FAM222A: variants seen among roughly 807,000 people sequenced by gnomAD.
FAM222A encodes protein FAM222A.
FAM222A carries 7 observed loss-of-function variants against 25.8 expected under a neutral mutation model. The observed-to-expected ratio is 0.27, with a 90% CI of 0.15 to 0.51. The LOEUF (loss-of-function observed/expected upper bound fraction) is 0.51. FAM222A is among the 20% of genes least tolerant of loss of function. FAM222A has a pLI of 0.97. For synonymous variants in FAM222A, 294 were observed against 298.8 expected (o/e 0.98, Z 0.17); for missense variants, 573 against 640.5 (o/e 0.89, Z 1.14).
intron 2 of FAM222A, among the ~76,000 whole-genome samples, chr12:109,766,749 T>C (rs568072920): frequency 6.6e-6 from 1 of 152,194 alleles, no homozygotes; most frequent in Admixed American, 6.5e-5. Flanking sequence ...CGGGTGGGAG[T>C]GTAGCCTGGC....
At chr12:109,723,898 G>A (rs1887795537) in intron 1 of FAM222A, among the ~76,000 whole-genome samples, 1 of 152,172 alleles carries the variant, frequency 6.6e-6, no homozygotes, top group Admixed American at 6.5e-5. Flanking sequence ...AGTTTTTACG[G>A]ATCATGGGCC....
Position 109,714,929 on chromosome 12 carries a change from AG to A in FAM222A, c.-47+33del, listed in dbSNP as rs1349997455. ...TGTGCGGGGCGGGGTTCTGCGCTGG[AG>A]CTGGGGGCACCCCCTGGCGTCCGGG... On this transcript the variant is annotated intron_variant, in intron 1 of 2. Transcript: ENST00000538780. The surrounding 1 kb of genome is among the most constrained non-coding windows in gnomAD (Gnocchi z 4.2). 6.5e-6 allele frequency: 1 copy of A among 152,768 alleles called. No homozygotes were observed. Among genetic ancestry groups the A allele is most frequent in the African/African-American group, 2.4e-5 (1 of 41,446 alleles). The allele number at this position is 152,768 out of a possible 1,614,324, so 9.5% of individuals were successfully genotyped here.
chr12:109,755,414 T>C (rs1213273028), intron 2 of FAM222A, among the ~76,000 whole-genome samples: 1 of 145,300 alleles, frequency 6.9e-6, no homozygotes, highest in African/African-American at 2.6e-5. Context: ...CCGCAACCTC[T>C]GCCTCCCGAG....
Position 109,744,105 on chromosome 12 carries a change from C to A in FAM222A, c.-42C>A, listed in dbSNP as rs759850905. On this transcript the variant is annotated 5_prime_UTR_variant, in exon 2 of 3. Transcript: ENST00000538780. ...CACCCCATCTTCCTCCTGCAGGGAC[C>A]CAGTCGCAGAGCGCACCCCACTGGG... 2 of 1,601,818 alleles carry A rather than the reference C, an allele frequency of 1.2e-6. No individual in the cohort carries two copies. Among genetic ancestry groups the A allele is most frequent in the African/African-American group, 2.7e-5 (2 of 74,672 alleles).
intron 2 of FAM222A, among the ~76,000 whole-genome samples, chr12:109,761,091 A>G (rs1333776766): frequency 6.6e-6 from 1 of 152,132 alleles, no homozygotes; most frequent in Non-Finnish European, 1.5e-5. Flanking sequence ...CACCCATTTC[A>G]CACAAGGGAA....
At chr12:109,761,943 A>G (rs943216679) in intron 2 of FAM222A, among the ~76,000 whole-genome samples, 3 of 127,876 alleles carry the variant, frequency 2.3e-5, no homozygotes, top group Admixed American at 8.0e-5. Context: ...TGTCTTCCCC[A>G]CCCACCCTCA....
chr12:109,725,789 CG>C (rs1887829304), intron 1 of FAM222A, among the ~76,000 whole-genome samples: 1 of 151,980 alleles, frequency 6.6e-6, no homozygotes, highest in African/African-American at 2.4e-5. Flanking sequence ...GGAAAAAAGC[CG>C]GCCCGGAATC....
chr12:109,769,031 G>A lies in FAM222A; in HGVS notation c.1102G>A (p.Val368Met). The stretch of plus-strand genomic sequence containing the variant: ...CTGCTACAACCCAGCGGCGGCGGTG[G>A]TGGTCACGGAGCTGGGGCCGGGGGC... ...SDCYNPAAAV[V>M]VTELGPGAAR... The change falls in exon 3 of 3, where the codon GTG becomes ATG. Residue 368 changes from valine (V) to methionine (M), a missense_variant. Val to Met is a conservative substitution (Grantham distance 21, BLOSUM62 1). Coordinates refer to ENST00000538780, the MANE Select transcript of FAM222A (RefSeq NM_032829.3). 1 of 1,584,082 alleles carries A rather than the reference G, an allele frequency of 6.3e-7. No individual in the cohort carries two copies. The highest frequency in any genetic ancestry group is 8.6e-7 in the Non-Finnish European group (1 of 1,166,828).
In FAM222A at chr12:109,768,317, G is replaced by A. The variant is rs749590032; in HGVS notation, c.388G>A (p.Glu130Lys). The A allele has an allele frequency of 1.1e-5, 17 of 1,603,506 alleles. No homozygotes were observed. Among genetic ancestry groups the A allele is most frequent in the African/African-American group, 4.0e-5 (3 of 74,752 alleles). Residue 130 changes from glutamate to lysine, a missense_variant, in exon 3 of 3, where the codon GAG becomes AAG. Glu to Lys is a moderately conservative substitution (Grantham distance 56). Coordinates refer to ENST00000538780, the MANE Select transcript of FAM222A (RefSeq NM_032829.3). ...CGCCAAAAGTGTGCTCAAGAGCGCCGAGGGCAAGCGGACCAAGCTGTCACC... is the reference window on the plus strand; with the variant it reads ...CGCCAAAAGTGTGCTCAAGAGCGCCAAGGGCAAGCGGACCAAGCTGTCACC... ...GPAKSVLKSAEGKRTKLSPAA... is the reference protein window; with the variant it reads ...GPAKSVLKSAKGKRTKLSPAA...
chr12:109,742,857 A>G (rs1001653677), intron 1 of FAM222A, among the ~76,000 whole-genome samples: 1 of 152,204 alleles, frequency 6.6e-6, no homozygotes, highest in Non-Finnish European at 1.5e-5. Context: ...TTGTGAAATT[A>G]GTATCTTAAG....
intron 1 of FAM222A, among the ~76,000 whole-genome samples, chr12:109,736,290 T>C (rs1233543747): frequency 6.6e-6 from 1 of 152,222 alleles, no homozygotes; most frequent in Non-Finnish European, 1.5e-5. Context: ...AGCTTTTTCC[T>C]ACTTACCTGT....
chr12:109,742,531 T>C (rs1888272619), intron 1 of FAM222A, among the ~76,000 whole-genome samples: 1 of 151,970 alleles, frequency 6.6e-6, no homozygotes, highest in Non-Finnish European at 1.5e-5. Context: ...TGCGTCTCTG[T>C]GTTAAGGCTG....
chr12:109,758,516 AGTCATTCGGCTGG>A, intron 2 of FAM222A, among the ~76,000 whole-genome samples: 1 of 152,048 alleles, frequency 6.6e-6, no homozygotes, highest in South Asian at 2.1e-4. Flanking sequence ...CTACCACCCT[AGTCATTCGGCTGG>A]GGCAGGGTCC....
chr12:109,765,445 G>C (rs530852258), intron 2 of FAM222A, among the ~76,000 whole-genome samples: 2 of 152,332 alleles, frequency 1.3e-5, no homozygotes, highest in Admixed American at 6.5e-5. Context: ...GCCTGCCCCG[G>C]TGCCTCTCTC....
chr12:109,747,069 A>AT (rs937610781), intron 2 of FAM222A, among the ~76,000 whole-genome samples: 8 of 152,116 alleles, frequency 5.3e-5, no homozygotes, highest in African/African-American at 1.7e-4. Context: ...AATACTTTGG[A>AT]TTTTAGATTT....
intron 2 of FAM222A, among the ~76,000 whole-genome samples, chr12:109,757,577 G>GA (rs1253406113): frequency 6.6e-6 from 1 of 152,130 alleles, no homozygotes; most frequent in Non-Finnish European, 1.5e-5. Flanking sequence ...ATCATTCTTC[G>GA]AAGAAAATGA....
chr12:109,728,554 G>T (rs565316854), intron 1 of FAM222A, among the ~76,000 whole-genome samples: 2 of 152,312 alleles, frequency 1.3e-5, no homozygotes, highest in Admixed American at 6.5e-5. Context: ...GGATGGGCTT[G>T]CACCTGCCAG....
At chr12:109,729,254 A>C (rs1887896969) in intron 1 of FAM222A, among the ~76,000 whole-genome samples, 1 of 152,248 alleles carries the variant, frequency 6.6e-6, no homozygotes, top group Admixed American at 6.5e-5. Context: ...GGACATTGGC[A>C]AACACATCAT....
intron 1 of FAM222A, 108 bp from the exon 2 acceptor site, chr12:109,743,991 TGA>T (rs1712798254): frequency 7.0e-7 from 1 of 1,425,108 alleles, no homozygotes; most frequent in African/African-American, 1.4e-5. Flanking sequence ...GTGTCTGCTT[TGA>T]GAGTCTCTGA....
Sources: allele counts gnomAD v4.1 joint callset (sites outside exome capture counted in the v4.1 genomes callset), GRCh38; gene constraint gnomAD v4.1.1; non-coding constraint Gnocchi (gnomAD v3.1); transcripts MANE v1.5; gene names NCBI Gene and HGNC (gene_info 2026-07-23, HGNC 2026-07-21).